Variants in ADAMTS16 observed in about 807,000 individuals in gnomAD.
The protein encoded by ADAMTS16 is A disintegrin and metalloproteinase with thrombospondin motifs 16.
In ADAMTS16, 94 loss-of-function variants were observed where a neutral mutation model predicts 145.8. The observed-to-expected ratio is 0.64, with a 90% CI of 0.55 to 0.77. ADAMTS16 has a LOEUF of 0.77. Among genes scored for constraint, ADAMTS16 ranks in the 30% least tolerant of loss-of-function variants. ADAMTS16 has a pLI of 0.00. For missense variants in ADAMTS16, 1,585 were observed against 1,591.5 expected, an observed-to-expected ratio of 1.00 and a Z score of 0.07; for synonymous variants, 659 against 604.3, an observed-to-expected ratio of 1.09 and a Z score of -1.33.
rs754087133 is a variant in ADAMTS16 at position 5,239,768 on chromosome 5, G to A, written c.2366G>A (p.Arg789His). The A allele has an allele frequency of 1.6e-5, 26 of 1,613,940 alleles. No individual in the cohort carries two copies. The highest frequency in any genetic ancestry group is 3.3e-5 in the Admixed American group (2 of 59,980). ...MNVSTSYISV[R>H]NALRRYYLNG... ...GTCTCTACCTCCTACATTTCTGTGC[G>A]CAATGCCCTCAGAAGGTACTACCTG... is the stretch of plus-strand genomic sequence containing the variant. Residue 789 changes from arginine (R) to histidine (H), a missense_variant, in exon 16 of 23, where the codon CGC becomes CAC. Physicochemically the swap from Arg to His is conservative, Grantham distance 29 (BLOSUM62 0). This residue lies in a region of ADAMTS16 where 834 missense variants were observed against 811.7 expected (regional missense o/e 1.03). Coordinates refer to ENST00000274181, the MANE Select transcript of ADAMTS16 (RefSeq NM_139056.4).
intron 3 of ADAMTS16, among the ~76,000 whole-genome samples, chr5:5,158,441 T>C (rs1212294585): frequency 6.6e-6 from 1 of 152,094 alleles, no homozygotes; most frequent in Non-Finnish European, 1.5e-5. Flanking sequence ...GGGAGTGCAT[T>C]GACTGCAAAA....
intron 9 of ADAMTS16, among the ~76,000 whole-genome samples, chr5:5,204,258 G>A (rs991928545): frequency 1.4e-4 from 22 of 152,204 alleles, no homozygotes; most frequent in African/African-American, 5.1e-4. Context: ...CTTAGAGTGG[G>A]AAAGGGATTT....
intron 3 of ADAMTS16, among the ~76,000 whole-genome samples, chr5:5,153,680 G>T (rs938994613): frequency 2.6e-5 from 4 of 152,066 alleles, no homozygotes; most frequent in Non-Finnish European, 4.4e-5. Flanking sequence ...GTTTTCTGTT[G>T]CATATGATGG....
intron 11 of ADAMTS16, among the ~76,000 whole-genome samples, chr5:5,224,435 G>A (rs373325719): frequency 3.3e-5 from 5 of 152,026 alleles, no homozygotes; most frequent in South Asian, 2.1e-4. Context: ...GATTATAGGC[G>A]CCCGCCACCA....
intron 18 of ADAMTS16, among the ~76,000 whole-genome samples, chr5:5,285,198 T>C (rs1668201316): frequency 6.6e-6 from 1 of 152,216 alleles, no homozygotes. Context: ...CATCAAATAA[T>C]TGTATGGCCT....
chr5:5,266,607 C>A (rs538761753), intron 18 of ADAMTS16, among the ~76,000 whole-genome samples: 1 of 152,328 alleles, frequency 6.6e-6, no homozygotes, highest in East Asian at 1.9e-4. Context: ...TGCCGCCTCC[C>A]CCATACTGCC....
intron 3 of ADAMTS16, among the ~76,000 whole-genome samples, chr5:5,175,349 C>G (rs1735162376): frequency 6.6e-6 from 1 of 152,150 alleles, no homozygotes; most frequent in Non-Finnish European, 1.5e-5. Flanking sequence ...ACCTGGTGCC[C>G]TATCTTACTG....
chr5:5,169,381 A>AC (rs930504573), intron 3 of ADAMTS16, among the ~76,000 whole-genome samples: 1 of 152,058 alleles, frequency 6.6e-6, no homozygotes, highest in Non-Finnish European at 1.5e-5. Flanking sequence ...ACCTAGGAGG[A>AC]CCCCCACATT....
intron 3 of ADAMTS16, among the ~76,000 whole-genome samples, chr5:5,171,993 T>C (rs1163344346): frequency 6.6e-6 from 1 of 152,144 alleles, no homozygotes; most frequent in Non-Finnish European, 1.5e-5. Flanking sequence ...GATTCAACTT[T>C]GGTAGTTTGT....
chr5:5,212,257 G>T (rs1736293966), intron 10 of ADAMTS16, among the ~76,000 whole-genome samples: 1 of 144,674 alleles, frequency 6.9e-6, no homozygotes. Flanking sequence ...ACCCAGGCTG[G>T]AGTGCAGTGG....
At chr5:5,208,983 A>C (rs1736202650) in intron 9 of ADAMTS16, 110 bp from the exon 10 acceptor site, 11 of 1,236,926 alleles carry the variant, frequency 8.9e-6, no homozygotes. Flanking sequence ...TCCTCTTTGT[A>C]TACACAATAT....
chr5:5,316,145 C>G (rs1301185294), intron 21 of ADAMTS16, among the ~76,000 whole-genome samples: 1 of 152,218 alleles, frequency 6.6e-6, no homozygotes, highest in East Asian at 1.9e-4. Flanking sequence ...TGGTTGTTCA[C>G]TTGCAGGCTG....
At position 5,166,119 on chromosome 5, in the gene ADAMTS16, A is replaced by G. The variant is rs76337181; in HGVS notation, c.502-15925A>G. Among the ~76,000 whole-genome samples the G allele has an allele frequency of 5.3e-3, 802 of 151,996 alleles. 12 individuals are homozygous for G. Among genetic ancestry groups the G allele is most frequent in the Non-Finnish European group, 7.6e-3 (516 of 67,956 alleles). On this transcript the variant is annotated intron_variant, in intron 3 of 22. Coordinates refer to ENST00000274181, the MANE Select transcript of ADAMTS16 (RefSeq NM_139056.4). ...ACTCTAAAATATCTCTTTTTTTGCC[A>G]TCTTTGAAGTTTATTTAATCTACAG...
intron 3 of ADAMTS16, among the ~76,000 whole-genome samples, chr5:5,179,255 T>G (rs1341649834): frequency 4.0e-5 from 6 of 151,550 alleles, no homozygotes; most frequent in Non-Finnish European, 8.8e-5. Context: ...TCACCCGGCC[T>G]TTCCCTTCTA....
At chr5:5,150,715 C>A (rs940078963) in intron 3 of ADAMTS16, among the ~76,000 whole-genome samples, 1 of 152,188 alleles carries the variant, frequency 6.6e-6, no homozygotes, top group African/African-American at 2.4e-5. Flanking sequence ...TTCTTGAGAA[C>A]GGCAAGGAAG....
chr5:5,174,636 T>C (rs1016301110), intron 3 of ADAMTS16, among the ~76,000 whole-genome samples: 3 of 152,230 alleles, frequency 2.0e-5, no homozygotes, highest in African/African-American at 7.2e-5. Flanking sequence ...CATTCTTTTT[T>C]ATTCTTTTAT....
intron 2 of ADAMTS16, among the ~76,000 whole-genome samples, chr5:5,145,328 G>A (rs1734264829): frequency 6.6e-6 from 1 of 152,274 alleles, no homozygotes; most frequent in South Asian, 2.1e-4. Context: ...CACTATATTT[G>A]ATAATAATCT....
chr5:5,224,495 G>A (rs923803826), intron 11 of ADAMTS16, among the ~76,000 whole-genome samples: 2 of 152,042 alleles, frequency 1.3e-5, no homozygotes, highest in African/African-American at 4.8e-5. Context: ...TCACCATGTT[G>A]GTCAGGCTGG....
intron 17 of ADAMTS16, among the ~76,000 whole-genome samples, chr5:5,247,735 C>A (rs1032651356): frequency 6.6e-6 from 1 of 152,240 alleles, no homozygotes; most frequent in Non-Finnish European, 1.5e-5. Flanking sequence ...CTGCCTATAT[C>A]CAGATGGGCT....
Sources: allele counts gnomAD v4.1 joint callset (sites outside exome capture counted in the v4.1 genomes callset), GRCh38; gene constraint gnomAD v4.1.1; regional missense constraint gnomAD v4.1.1; transcripts MANE v1.5; gene names NCBI Gene and HGNC (gene_info 2026-07-23, HGNC 2026-07-21).